The following GRM5 variants were observed in gnomAD, a reference collection of about 807,000 sequenced individuals.
The protein encoded by GRM5 is glutamate metabotropic receptor 5, also known as metabotropic glutamate receptor 5.
A neutral mutation model predicts 83.1 loss-of-function variants in GRM5; 19 were observed. The ratio of observed to expected loss-of-function variants is 0.23; its 90% confidence interval spans 0.16 to 0.34. The LOEUF is 0.34. Among genes scored for constraint, GRM5 ranks in the 10% least tolerant of loss-of-function variants. GRM5 has a pLI of 1.00. For synonymous variants in GRM5, 675 were observed against 633.6 expected (o/e 1.07, Z -0.98); for missense variants, 1,160 against 1,588.3 (o/e 0.73, Z 4.58).
intron 3 of GRM5, among the ~76,000 whole-genome samples, chr11:88,798,444 T>C (rs1484838204): frequency 1.3e-5 from 2 of 152,204 alleles, no homozygotes; most frequent in East Asian, 3.9e-4. Flanking sequence ...AATGAATAAA[T>C]GGGACTTTAT....
intron 2 of GRM5, among the ~76,000 whole-genome samples, chr11:88,883,897 A>G (rs536652641): frequency 9.2e-5 from 14 of 152,244 alleles, no homozygotes; most frequent in East Asian, 1.9e-4. Context: ...ACTTCCATAT[A>G]CATTTTAAAG....
chr11:88,522,750 C>T (rs563176605), intron 9 of GRM5: 2 of 152,122 alleles, frequency 1.3e-5, no homozygotes, highest in African/African-American at 4.8e-5. Flanking sequence ...GGTGGATGAT[C>T]TAACACAATT....
chr11:89,055,656 T>C (rs1941857884), intron 1 of GRM5, among the ~76,000 whole-genome samples: 2 of 151,924 alleles, frequency 1.3e-5, no homozygotes, highest in South Asian at 4.1e-4. Flanking sequence ...CTTATATAAT[T>C]TTCAAAGCTT....
At chr11:88,604,011 T>C (rs1938073866) in intron 5 of GRM5, among the ~76,000 whole-genome samples, 2 of 152,184 alleles carry the variant, frequency 1.3e-5, no homozygotes, top group African/African-American at 4.8e-5. Flanking sequence ...CATTATTCCT[T>C]ATAGATTAAA....
chr11:88,834,984 C>A (rs182677696), intron 3 of GRM5, among the ~76,000 whole-genome samples: 1 of 151,944 alleles, frequency 6.6e-6, no homozygotes, highest in Non-Finnish European at 1.5e-5. Context: ...GCCATTTTTC[C>A]CCCCCTGCAG....
chr11:88,623,849 T>A (rs1938712078), intron 4 of GRM5, among the ~76,000 whole-genome samples: 1 of 152,186 alleles, frequency 6.6e-6, no homozygotes. Flanking sequence ...TAGCTACTAG[T>A]ACATCCAGGT....
chr11:88,606,997 T>C (rs1016616491), intron 4 of GRM5, among the ~76,000 whole-genome samples: 5 of 151,762 alleles, frequency 3.3e-5, no homozygotes, highest in Admixed American at 6.6e-5. Flanking sequence ...AAAGGTAGTA[T>C]GTTGTTTTAT....
chr11:88,801,955 G>C (rs1223868469), intron 3 of GRM5, among the ~76,000 whole-genome samples: 2 of 151,996 alleles, frequency 1.3e-5, no homozygotes, highest in Non-Finnish European at 2.9e-5. Flanking sequence ...ATGCAATAAG[G>C]GTCAGGAATA....
At chr11:88,649,407 A>G (rs1160651821) in intron 4 of GRM5, among the ~76,000 whole-genome samples, 2 of 142,898 alleles carry the variant, frequency 1.4e-5, no homozygotes, top group African/African-American at 2.5e-5. Context: ...TATTGCATAT[A>G]TTATGCATTA....
chr11:88,554,653 A>C, intron 8 of GRM5, among the ~76,000 whole-genome samples: 1 of 152,134 alleles, frequency 6.6e-6, no homozygotes, highest in East Asian at 1.9e-4. Flanking sequence ...ATGTTCCTGC[A>C]TCTGGCACTG....
chr11:88,787,296 G>C (rs1398073571), intron 3 of GRM5, among the ~76,000 whole-genome samples: 1 of 151,878 alleles, frequency 6.6e-6, no homozygotes, highest in Non-Finnish European at 1.5e-5. Flanking sequence ...GCAGAGGATG[G>C]AGTAACTGTT....
chr11:88,532,367 A>T (rs1942032751), intron 8 of GRM5, among the ~76,000 whole-genome samples: 1 of 152,174 alleles, frequency 6.6e-6, no homozygotes, highest in Non-Finnish European at 1.5e-5. Flanking sequence ...TTTGGCCAAG[A>T]AAGTGCCAAA....
At chr11:89,063,205 G>C (rs1325856229) in intron 1 of GRM5, among the ~76,000 whole-genome samples, 1 of 152,360 alleles carries the variant, frequency 6.6e-6, no homozygotes, top group Admixed American at 6.5e-5. Flanking sequence ...TGGCCTTAGA[G>C]AGCGGGAACT....
chr11:89,001,061 C>T (rs1255766055), intron 2 of GRM5, among the ~76,000 whole-genome samples: 2 of 151,506 alleles, frequency 1.3e-5, no homozygotes, highest in African/African-American at 2.4e-5. Flanking sequence ...TAAATAAAAC[C>T]ACCACCAGTC....
intron 3 of GRM5, among the ~76,000 whole-genome samples, chr11:88,689,858 AG>A (rs1940736209): frequency 2.0e-5 from 3 of 152,188 alleles, no homozygotes; most frequent in African/African-American, 7.2e-5. Context: ...AGACTAAGCC[AG>A]GGGGGTATAA....
chr11:89,015,806 A>G (rs1037266840), intron 2 of GRM5, among the ~76,000 whole-genome samples: 2 of 152,184 alleles, frequency 1.3e-5, no homozygotes, highest in African/African-American at 4.8e-5. Context: ...GATTACACAA[A>G]CCAGCTTGGA....
chr11:89,008,585 A>G (rs1284640735), intron 2 of GRM5, among the ~76,000 whole-genome samples: 1 of 152,148 alleles, frequency 6.6e-6, no homozygotes, highest in Non-Finnish European at 1.5e-5. Flanking sequence ...TACTTTTGTT[A>G]TAATTGAACT....
At chr11:88,699,361 C>G (rs1395931040) in intron 3 of GRM5, among the ~76,000 whole-genome samples, 6 of 152,106 alleles carry the variant, frequency 3.9e-5, no homozygotes, top group Admixed American at 3.9e-4. Flanking sequence ...TCTCCCATTT[C>G]CTAGGCCTTA....
At chr11:89,063,937 G>T (rs563572382) in intron 1 of GRM5, among the ~76,000 whole-genome samples, 2 of 152,262 alleles carry the variant, frequency 1.3e-5, no homozygotes, top group South Asian at 4.1e-4. Context: ...CAGCACCTGG[G>T]ATACAAATCC....
Sources: gnomAD v4.1 joint callset for allele counts (sites outside exome capture counted in the v4.1 genomes callset) on GRCh38, gnomAD v4.1.1 for gene constraint, MANE v1.5 for transcripts, NCBI Gene and HGNC (gene_info 2026-07-23, HGNC 2026-07-21) for gene names.